The following USP25 variants were observed in gnomAD, a reference collection of about 807,000 sequenced individuals.
USP25 encodes the protein ubiquitin specific peptidase 25.
A neutral mutation model predicts 158.5 loss-of-function variants in USP25; 85 were observed. That is an observed-to-expected ratio of 0.54 (90% CI 0.45 to 0.64). The LOEUF (loss-of-function observed/expected upper bound fraction) is 0.64. Among genes scored for constraint, USP25 ranks in the 30% least tolerant of loss-of-function variants. The pLI is 0.00. For missense variants in USP25, 1,242 were observed against 1,327.3 expected (o/e 0.94, Z 1.00); for synonymous variants, 464 against 460.4 (o/e 1.01, Z -0.10).
At chr21:15,862,420 T>C (rs1405401605) in intron 20 of USP25, among the ~76,000 whole-genome samples, 1 of 152,074 alleles carries the variant, frequency 6.6e-6, no homozygotes, top group Non-Finnish European at 1.5e-5. Context: ...TGGTCCCAGG[T>C]ATTTCAGATT....
chr21:15,784,552 AC>A (rs1353890480), intron 4 of USP25, among the ~76,000 whole-genome samples: 1 of 152,184 alleles, frequency 6.6e-6, no homozygotes, highest in Non-Finnish European at 1.5e-5. Flanking sequence ...AGCTTGGGCA[AC>A]AAGAGCGAAA....
At chr21:15,859,751 GTTA>G (rs2039333958) in intron 20 of USP25, among the ~76,000 whole-genome samples, 1 of 151,764 alleles carries the variant, frequency 6.6e-6, no homozygotes, top group African/African-American at 2.4e-5. Flanking sequence ...AGTTATATGT[GTTA>G]TTCTTCAAGA....
chr21:15,747,315 A>AT, intron 1 of USP25, among the ~76,000 whole-genome samples: 1 of 152,208 alleles, frequency 6.6e-6, no homozygotes, highest in African/African-American at 2.4e-5. Context: ...AAGAGACTAC[A>AT]TTCACATAAC....
chr21:15,777,853 C>G, intron 3 of USP25, 51 bp from the exon 4 acceptor site: 1 of 1,507,950 alleles, frequency 6.6e-7, no homozygotes, highest in Non-Finnish European at 8.9e-7. Flanking sequence ...AATAAAAATC[C>G]TTTCATTTTG....
intron 9 of USP25, among the ~76,000 whole-genome samples, chr21:15,817,424 C>T (rs2036997751): frequency 6.6e-6 from 1 of 152,036 alleles, no homozygotes; most frequent in Admixed American, 6.5e-5. Context: ...AACAGATGAC[C>T]ACCCACTTCA....
intron 4 of USP25, among the ~76,000 whole-genome samples, chr21:15,780,342 ATTTC>A (rs1046954930): frequency 1.1e-4 from 16 of 152,270 alleles, no homozygotes; most frequent in African/African-American, 3.8e-4. Context: ...TTTTTAAAGT[ATTTC>A]TTTATACACT....
chr21:15,829,035 A>G (rs1201426408), intron 14 of USP25, among the ~76,000 whole-genome samples: 3 of 152,120 alleles, frequency 2.0e-5, no homozygotes, highest in Non-Finnish European at 2.9e-5. Context: ...AGCAGTTAGC[A>G]TTATTTTGTA....
intron 17 of USP25, among the ~76,000 whole-genome samples, chr21:15,841,276 T>C (rs946944760): frequency 2.0e-5 from 3 of 152,166 alleles, no homozygotes; most frequent in East Asian, 1.9e-4. Context: ...CTCTCTCTCT[T>C]AATCAGAAAG....
chr21:15,852,336 T>A (rs1292849461), intron 20 of USP25, among the ~76,000 whole-genome samples: 1 of 152,162 alleles, frequency 6.6e-6, no homozygotes, highest in Non-Finnish European at 1.5e-5. Flanking sequence ...TATGTTGATA[T>A]TAGCAGCCAG....
intron 18 of USP25, among the ~76,000 whole-genome samples, chr21:15,844,513 C>T (rs997938721): frequency 1.3e-5 from 2 of 152,068 alleles, no homozygotes; most frequent in Non-Finnish European, 1.5e-5. Context: ...CCTTCTGTTA[C>T]ATCAGTCCTA....
At position 15,878,429 on chromosome 21, in the gene USP25, C is replaced by G; in HGVS notation, c.3332C>G (p.Ala1111Gly). 2 of 1,614,026 alleles carry G rather than the reference C, an allele frequency of 1.2e-6. No individual in the cohort carries two copies. The highest frequency in any genetic ancestry group is 1.7e-6 in the Non-Finnish European group (2 of 1,179,924). ...ACGCATGAACTCTGTGAGCGATTTGCCCGAATCATGTTGTCCCTCAGTCGA... is the reference window on the plus strand; with the variant it reads ...ACGCATGAACTCTGTGAGCGATTTGGCCGAATCATGTTGTCCCTCAGTCGA... ...YSTHELCERF[A>G]RIMLSLSRTP... is the part of the protein sequence containing the mutation. Residue 1111 changes from alanine (A) to glycine (G), a missense_variant, in exon 26 of 26, where the codon GCC becomes GGC. Coordinates refer to ENST00000400183, the MANE Select transcript of USP25 (RefSeq NM_001283041.3).
intron 24 of USP25, 22 bp from the exon 25 acceptor site, chr21:15,877,774 T>C (rs1188375994): frequency 6.5e-7 from 1 of 1,544,318 alleles, no homozygotes; most frequent in Admixed American, 2.2e-5. Flanking sequence ...CTATTCTTTT[T>C]TTTTTCCTGC....
rs779213795 is a variant in USP25 at position 15,824,978 on chromosome 21, A to AAACAGAGAAAT, written c.1226_1236dup (p.Arg413GlufsTer3). On this transcript the variant is annotated frameshift_variant, in exon 12 of 26. Transcript: ENST00000400183. LOFTEE classifies it high-confidence loss of function. ...CTTTTTCTGATAGATACATGCACAG[A>AAACAGAGAAAT]AACAGAGAAATAACAAGAATTAAGA... The AAACAGAGAAAT allele has an allele frequency of 1.2e-6, 2 of 1,610,910 alleles. No individual in the cohort carries two copies. Among genetic ancestry groups the AAACAGAGAAAT allele is most frequent in the Non-Finnish European group, 1.7e-6 (2 of 1,178,114 alleles).
At chr21:15,791,312 A>G (rs367687694) in intron 4 of USP25, among the ~76,000 whole-genome samples, 190 bp from the exon 5 acceptor site, 1 of 151,892 alleles carries the variant, frequency 6.6e-6, no homozygotes. Context: ...TCTTAGGAAA[A>G]AAGACTATAC....
At chr21:15,775,698 A>G (rs2034598966) in intron 3 of USP25, among the ~76,000 whole-genome samples, 2 of 148,082 alleles carry the variant, frequency 1.4e-5, no homozygotes, top group African/African-American at 5.0e-5. Context: ...TTTTCAATCA[A>G]GCTAGAGAAA....
chr21:15,743,004 G>A (rs888887059), intron 1 of USP25, among the ~76,000 whole-genome samples: 2 of 152,250 alleles, frequency 1.3e-5, no homozygotes, highest in South Asian at 2.1e-4. Flanking sequence ...GCCCCAAGGG[G>A]GTGTCATAGC....
intron 3 of USP25, among the ~76,000 whole-genome samples, chr21:15,775,958 C>T (rs1187421541): frequency 1.3e-5 from 2 of 151,824 alleles, no homozygotes; most frequent in Non-Finnish European, 2.9e-5. Flanking sequence ...CACACCTAAA[C>T]CCTGTTTTTC....
At chr21:15,767,456 A>G (rs1304642535) in intron 3 of USP25, among the ~76,000 whole-genome samples, 2 of 151,976 alleles carry the variant, frequency 1.3e-5, no homozygotes, top group Non-Finnish European at 2.9e-5. Flanking sequence ...TTATTTTGAA[A>G]TTATTTGCTT....
Position 15,874,422 on chromosome 21 carries a change from T to G in USP25, c.2905T>G (p.Phe969Val). ...QRESYIDSLLFLICAYQNNKE... is the reference protein window; with the variant it reads ...QRESYIDSLLVLICAYQNNKE... Reference sequence around the variant, plus strand: ...TTCAAGTTATATAGATTCCTTGCTGTTCCTCATCTGTGCTTATCAGAATAA... The same window carrying G: ...TTCAAGTTATATAGATTCCTTGCTGGTCCTCATCTGTGCTTATCAGAATAA... The change falls in exon 24 of 26, where the codon TTC becomes GTC. Residue 969 changes from phenylalanine to valine, a missense_variant. This residue lies in a region of USP25 where 608 missense variants were observed against 605.2 expected (regional missense o/e 1.00). Coordinates refer to ENST00000400183, the MANE Select transcript of USP25 (RefSeq NM_001283041.3). 6.2e-7 allele frequency: 1 copy of G among 1,606,982 alleles called. No homozygotes were observed. The highest frequency in any genetic ancestry group is 8.5e-7 in the Non-Finnish European group (1 of 1,176,454).
Sources: gnomAD v4.1 joint callset for allele counts (sites outside exome capture counted in the v4.1 genomes callset) on GRCh38, gnomAD v4.1.1 for gene constraint, gnomAD v4.1.1 regional missense constraint, MANE v1.5 for transcripts, NCBI Gene and HGNC (gene_info 2026-07-23, HGNC 2026-07-21) for gene names.